TFIP11: variants seen among roughly 807,000 people sequenced by gnomAD.
TFIP11 encodes tuftelin-interacting protein 11.
TFIP11 carries 86 observed loss-of-function variants against 96.8 expected under a neutral mutation model. The ratio of observed to expected loss-of-function variants is 0.89; its 90% CI spans 0.75 to 1.06. The LOEUF (loss-of-function observed/expected upper bound fraction) is 1.06, where lower values mean the gene tolerates loss of function less well. Ranked by LOEUF, TFIP11 falls within the 50% of genes least tolerant of loss-of-function variation. TFIP11 has a pLI of 0.00. For synonymous variants in TFIP11, 405 were observed against 395.2 expected (o/e 1.02, Z -0.29); for missense variants, 881 against 1,076.7 (o/e 0.82, Z 2.54).
At chr22:26,510,944 G>C (rs1923979139) in intron 2 of TFIP11, among the ~76,000 whole-genome samples, 1 of 152,288 alleles carries the variant, frequency 6.6e-6, no homozygotes, top group South Asian at 2.1e-4. Flanking sequence ...ACCAACCTTA[G>C]AGAAGGCTTA....
chr22:26,509,294 C>G (rs1923778174), intron 4 of TFIP11, among the ~76,000 whole-genome samples: 1 of 152,190 alleles, frequency 6.6e-6, no homozygotes, highest in African/African-American at 2.4e-5. Context: ...TTCTACCACC[C>G]TAGTTACCTT....
At chr22:26,493,924 G>C (rs894499162) in intron 14 of TFIP11, 5 of 542,068 alleles carry the variant, frequency 9.2e-6, no homozygotes, top group African/African-American at 1.9e-5. Flanking sequence ...CTCCACTCAG[G>C]GAAGATGCCC....
At chr22:26,510,518 A>G (rs185012713) in intron 3 of TFIP11, 99 bp downstream of exon 3, 10 of 515,060 alleles carry the variant, frequency 1.9e-5, no homozygotes, top group South Asian at 4.6e-5. Flanking sequence ...TTAAAAGTAC[A>G]TATCTCCTTG....
chr22:26,495,427 G>A (rs1327804422), intron 12 of TFIP11, among the ~76,000 whole-genome samples: 1 of 151,462 alleles, frequency 6.6e-6, no homozygotes, highest in South Asian at 2.1e-4. Context: ...ACAGGCGCCC[G>A]CCACCACACC....
chr22:26,492,122 T>C lies in TFIP11; in HGVS notation c.2405A>G (p.Tyr802Cys). The change falls in exon 15 of 15, where the codon TAC (tyrosine) becomes TGC (cysteine). Residue 802 changes from tyrosine to cysteine, a missense_variant. Transcript: ENST00000407690. ...IGKRHEGKQLYTFGRIVIYID... is the reference protein window; with the variant it reads ...IGKRHEGKQLCTFGRIVIYID... ...GTAGATCACAATGCGGCCAAAGGTG[T>C]AGAGCTGCTTCCCTTCGTGTCGCTT... 1.2e-6 allele frequency: 2 copies of C among 1,614,194 alleles called. No individual in the cohort carries two copies. The highest frequency in any genetic ancestry group is 8.5e-7 in the Non-Finnish European group (1 of 1,180,022).
chr22:26,509,838 A>C (rs746157731), intron 4 of TFIP11, among the ~76,000 whole-genome samples: 9 of 152,186 alleles, frequency 5.9e-5, no homozygotes, highest in Non-Finnish European at 1.3e-4. Context: ...CCTGGGCAAC[A>C]AAGTGAAACC....
intron 7 of TFIP11, among the ~76,000 whole-genome samples, chr22:26,502,978 A>G (rs1026314960): frequency 1.3e-4 from 20 of 152,224 alleles, no homozygotes; most frequent in Non-Finnish European, 1.0e-4. Context: ...TTTCATGAAA[A>G]GGTCAGTGAC....
intron 4 of TFIP11, among the ~76,000 whole-genome samples, chr22:26,509,049 C>A (rs1015911684): frequency 6.6e-6 from 1 of 152,190 alleles, no homozygotes; most frequent in Non-Finnish European, 1.5e-5. Flanking sequence ...CAGTCCTCCA[C>A]TACCTGTGCA....
chr22:26,501,331 G>A (rs769758891), intron 8 of TFIP11, among the ~76,000 whole-genome samples: 1 of 152,120 alleles, frequency 6.6e-6, no homozygotes, highest in Non-Finnish European at 1.5e-5. Flanking sequence ...AACCTTCTGA[G>A]TATTTAAATG....
Position 26,503,684 on chromosome 22 carries a change from T to C in TFIP11, c.630A>G (p.Ser210=). 1.9e-6 allele frequency: 3 copies of C among 1,614,158 alleles called. No homozygotes were observed. The highest frequency in any genetic ancestry group is 2.5e-6 in the Non-Finnish European group (3 of 1,180,026). The change falls in exon 7 of 15, where the codon TCA becomes TCG. Residue 210 remains serine, a synonymous_variant. Coordinates refer to ENST00000407690, the MANE Select transcript of TFIP11 (RefSeq NM_012143.4). ...CAGTTACCTCTTCAGCTTCTTCCTC[T>C]GAGTCAACCACAGGGAAGTCTTGCA... ...QSMQDFPVVD[S]EEEAEEEFQK... is the part of the protein sequence containing the mutation.
chr22:26,491,970 C>T lies in TFIP11; in HGVS notation c.*43G>A, dbSNP rs774949405. 7 of 1,528,464 alleles carry T rather than the reference C, an allele frequency of 4.6e-6. No individual in the cohort carries two copies. Among genetic ancestry groups the T allele is most frequent in the Non-Finnish European group, 6.2e-6 (7 of 1,126,688 alleles). The allele number at this position is 1,528,464 out of a possible 1,614,324, so 94.7% of individuals were successfully genotyped here. A position where few individuals can be genotyped will look rare whatever the true frequency, so the allele number is the denominator to read the frequency against. ...AATACTGTTTATTTACAGTACATCC[C>T]TCTTAGGGGCAAGTCTCTGACTGGT... is the stretch of plus-strand genomic sequence containing the variant. On this transcript the variant is annotated 3_prime_UTR_variant, in exon 15 of 15. Transcript: ENST00000407690.
At chr22:26,509,831 G>GCAC (rs1163853610) in intron 4 of TFIP11, among the ~76,000 whole-genome samples, 10 of 152,048 alleles carry the variant, frequency 6.6e-5, no homozygotes, top group Non-Finnish European at 1.5e-4. Flanking sequence ...ACTCCAACCT[G>GCAC]GGCAACAAAG....
intron 7 of TFIP11, among the ~76,000 whole-genome samples, chr22:26,502,674 C>T (rs1922937892): frequency 6.6e-6 from 1 of 152,298 alleles, no homozygotes; most frequent in Admixed American, 6.5e-5. Context: ...TTTTCTCATA[C>T]TGGTTAAGAC....
intron 4 of TFIP11, among the ~76,000 whole-genome samples, chr22:26,508,954 G>A (rs572807266): frequency 6.6e-6 from 1 of 152,156 alleles, no homozygotes; most frequent in Non-Finnish European, 1.5e-5. Flanking sequence ...CCCTGGTTGA[G>A]TGAGGTTCAG....
intron 4 of TFIP11, among the ~76,000 whole-genome samples, chr22:26,508,803 C>T (rs1602227478): frequency 6.6e-6 from 1 of 150,830 alleles, no homozygotes; most frequent in East Asian, 2.0e-4. Flanking sequence ...CAAGATTGCA[C>T]CACTGTACTC....
Position 26,512,090 on chromosome 22 carries a change from G to T in TFIP11, c.-96+9C>A, listed in dbSNP as rs1476611667. 3 of 152,194 alleles carry T rather than the reference G, an allele frequency of 2.0e-5. No homozygotes were observed. Among genetic ancestry groups the T allele is most frequent in the Non-Finnish European group, 4.4e-5 (3 of 68,050 alleles). The allele number at this position is 152,194 out of a possible 1,614,324, so 9.4% of individuals were successfully genotyped here. A position where few individuals can be genotyped will look rare whatever the true frequency, so the allele number is the denominator to read the frequency against. ...AGAAAAAGGAGGTTCAGAGAAGTTAGTAACTTACCCTAGGTTCCACTGCTC... is the reference window on the plus strand; with the variant it reads ...AGAAAAAGGAGGTTCAGAGAAGTTATTAACTTACCCTAGGTTCCACTGCTC... On this transcript the variant is annotated intron_variant, in intron 2 of 14. Transcript: ENST00000407690.
At chr22:26,500,027 G>A (rs1411423795) in intron 8 of TFIP11, among the ~76,000 whole-genome samples, 1 of 152,146 alleles carries the variant, frequency 6.6e-6, no homozygotes, top group African/African-American at 2.4e-5. Flanking sequence ...CATAAGCATA[G>A]AAAAAGATCT....
In TFIP11 at chr22:26,491,886, C is replaced by G; in HGVS notation, c.*127G>C. 1 of 1,051,430 alleles carries G rather than the reference C, an allele frequency of 9.5e-7. No individual in the cohort carries two copies. Among genetic ancestry groups the G allele is most frequent in the African/African-American group, 1.6e-5 (1 of 62,586 alleles). 65.1% of individuals were successfully genotyped at this position (1,051,430 alleles called of 1,614,324 possible). Reference sequence around the variant, plus strand: ...CCATTTTACATCCTTCCCTCATGACCTGGCCTGATGTGGAGTAGCTCCTGA... The same window carrying G: ...CCATTTTACATCCTTCCCTCATGACGTGGCCTGATGTGGAGTAGCTCCTGA... On this transcript the variant is annotated 3_prime_UTR_variant, in exon 15 of 15. Coordinates refer to ENST00000407690, the MANE Select transcript of TFIP11 (RefSeq NM_012143.4).
rs190854539 is a variant in TFIP11, at chr22:26,494,156, G to T, written c.2141C>A (p.Ala714Glu). ...FNEALDIMNR[A>E]VSSNVGAYMQ... is the part of the protein sequence containing the mutation. ...TCACTTACCAACGTTGGAGGACACC[G>T]CCCGGTTCATGATATCAAGTGCCTC... is the stretch of plus-strand genomic sequence containing the variant. Residue 714 changes from alanine (A) to glutamate (E), a missense_variant, in exon 14 of 15, where the codon GCG becomes GAG. Physicochemically the swap from Ala to Glu is moderately radical, Grantham distance 107. Coordinates refer to ENST00000407690, the MANE Select transcript of TFIP11 (RefSeq NM_012143.4). 6.2e-7 allele frequency: 1 copy of T among 1,614,098 alleles called. No individual in the cohort carries two copies. The highest frequency in any genetic ancestry group is 8.5e-7 in the Non-Finnish European group (1 of 1,179,978).
Sources: gnomAD v4.1 joint callset for allele counts (sites outside exome capture counted in the v4.1 genomes callset) on GRCh38, gnomAD v4.1.1 for gene constraint, MANE v1.5 for transcripts, NCBI Gene and HGNC (gene_info 2026-07-23, HGNC 2026-07-21) for gene names.